RPH3A: variants seen among roughly 807,000 people sequenced by gnomAD.
The protein encoded by RPH3A is rabphilin-3A.
RPH3A carries 48 observed loss-of-function variants against 102.2 expected under a neutral mutation model. That is an observed-to-expected ratio of 0.47 (90% confidence interval 0.37 to 0.60). The LOEUF is 0.60. RPH3A is among the 20% of genes least tolerant of loss of function. The pLI is 0.00. For missense variants in RPH3A, 781 were observed against 910.1 expected, an observed-to-expected ratio of 0.86 and a Z score of 1.83; for synonymous variants, 310 against 324.3, an observed-to-expected ratio of 0.96 and a Z score of 0.47.
At chr12:112,628,131 C>G (rs1416951497) in intron 1 of RPH3A, among the ~76,000 whole-genome samples, 1 of 151,924 alleles carries the variant, frequency 6.6e-6, no homozygotes, top group Admixed American at 6.6e-5. Context: ...ATGAGGATTG[C>G]AATTTGACAT....
chr12:112,870,483 G>T (rs1044193283), intron 10 of RPH3A, among the ~76,000 whole-genome samples: 1 of 151,980 alleles, frequency 6.6e-6, no homozygotes, highest in Admixed American at 6.6e-5. Flanking sequence ...GCTCGTATTG[G>T]GTACCTCACA....
chr12:112,852,641 C>T, intron 5 of RPH3A, among the ~76,000 whole-genome samples: 1 of 152,184 alleles, frequency 6.6e-6, no homozygotes, highest in African/African-American at 2.4e-5. Flanking sequence ...TGCCCCTCAT[C>T]CTATCAGCAG....
At position 112,898,518 on chromosome 12, in the gene RPH3A, C is replaced by G. The variant is rs1270320235; in HGVS notation, c.*1738C>G. 1 of 152,298 alleles carries G rather than the reference C, an allele frequency of 6.6e-6. No homozygotes were observed. 9.4% of individuals were successfully genotyped at this position (152,298 alleles called of 1,614,324 possible). On this transcript the variant is annotated 3_prime_UTR_variant, in exon 22 of 22. Coordinates refer to ENST00000389385, the MANE Select transcript of RPH3A (RefSeq NM_001143854.2). ...ATTTCTTGCCTTGAATAACCATTTT[C>G]TAAACATCGAGCTCTTCACCTTCCC...
At chr12:112,752,794 C>T (rs2040793622) in intron 1 of RPH3A, among the ~76,000 whole-genome samples, 1 of 151,796 alleles carries the variant, frequency 6.6e-6, no homozygotes, top group African/African-American at 2.4e-5. Context: ...AAAATAGGGC[C>T]ATGCTTTATA....
At chr12:112,595,994 C>T (rs972631115) in intron 1 of RPH3A, among the ~76,000 whole-genome samples, 3 of 152,160 alleles carry the variant, frequency 2.0e-5, no homozygotes, top group Non-Finnish European at 2.9e-5. Context: ...GCTCCATAGA[C>T]CATGACACAT....
chr12:112,880,967 T>G (rs902457811), intron 14 of RPH3A, among the ~76,000 whole-genome samples: 2 of 152,102 alleles, frequency 1.3e-5, no homozygotes, highest in African/African-American at 2.4e-5. Flanking sequence ...CTGAGGAGGA[T>G]GAGGAAGAGG....
chr12:112,823,964 T>C (rs2136143726), intron 2 of RPH3A, among the ~76,000 whole-genome samples: 1 of 152,312 alleles, frequency 6.6e-6, no homozygotes, highest in Admixed American at 6.5e-5. Flanking sequence ...CTAGGGGTGA[T>C]GTAATGAGCT....
chr12:112,776,807 G>C (rs1345482387), intron 1 of RPH3A, among the ~76,000 whole-genome samples: 2 of 140,888 alleles, frequency 1.4e-5, no homozygotes, highest in Non-Finnish European at 3.0e-5. Context: ...CTGGGAGATG[G>C]AGCTTGCAGT....
At chr12:112,766,158 C>T (rs2040887131) in intron 1 of RPH3A, among the ~76,000 whole-genome samples, 1 of 152,176 alleles carries the variant, frequency 6.6e-6, no homozygotes, top group Non-Finnish European at 1.5e-5. Flanking sequence ...CTCAGATTGC[C>T]TGGGTTCACA....
intron 1 of RPH3A, among the ~76,000 whole-genome samples, chr12:112,677,415 CTCCTTCCTTCCT>C (rs879603208): frequency 0.027 from 897 of 33,176 alleles, 25 homozygotes; most frequent in Middle Eastern, 0.087. Flanking sequence ...CCCTCCTTCC[CTCCTTCCTTCCT>C]TCCTTCCTTC....
chr12:112,719,891 A>G (rs2040539876), intron 1 of RPH3A, among the ~76,000 whole-genome samples: 1 of 152,120 alleles, frequency 6.6e-6, no homozygotes, highest in Non-Finnish European at 1.5e-5. Context: ...TTGTTTTTCT[A>G]TCTTTATTCA....
At chr12:112,697,391 G>A (rs760481276) in intron 1 of RPH3A, among the ~76,000 whole-genome samples, 24 of 152,134 alleles carry the variant, frequency 1.6e-4, no homozygotes, top group Admixed American at 1.3e-4. Context: ...AACATGAAAA[G>A]CTTAGAAACA....
intron 3 of RPH3A, among the ~76,000 whole-genome samples, chr12:112,832,895 G>A (rs1324765462): frequency 2.6e-5 from 4 of 151,512 alleles, no homozygotes; most frequent in Non-Finnish European, 2.9e-5. Flanking sequence ...ACACACAATG[G>A]TGATAAATAC....
Position 112,800,105 on chromosome 12 carries a change from A to G in RPH3A, c.-19+7842A>G, listed in dbSNP as rs543551296. On this transcript the variant is annotated intron_variant, in intron 2 of 21. Coordinates refer to ENST00000389385, the MANE Select transcript of RPH3A (RefSeq NM_001143854.2). Reference sequence around the variant, plus strand: ...AAAACCAATAAACAAGTAAACACATAAACAAGAAAACTCCAGACCGCGTGA... The same window carrying G: ...AAAACCAATAAACAAGTAAACACATGAACAAGAAAACTCCAGACCGCGTGA... Among the ~76,000 whole-genome samples, 19 of 152,298 alleles carry G rather than the reference A, an allele frequency of 1.2e-4. 1 individual carries two copies. In the South Asian group the frequency reaches 3.9e-3, roughly 32 times the overall value.
At chr12:112,819,481 AGGT>A (rs2041739265) in intron 2 of RPH3A, among the ~76,000 whole-genome samples, 1 of 152,120 alleles carries the variant, frequency 6.6e-6, no homozygotes, top group Non-Finnish European at 1.5e-5. Context: ...TAAAAAGGGG[AGGT>A]AGGATTGGAT....
At chr12:112,859,530 C>T (rs4767020) in intron 5 of RPH3A, among the ~76,000 whole-genome samples, 8,461 of 152,168 alleles carry the variant, frequency 0.056, 445 homozygotes, top group Admixed American at 0.14. Context: ...GTGTTTCCTT[C>T]CTGATGTATA....
At chr12:112,770,820 A>G (rs942738178) in intron 1 of RPH3A, among the ~76,000 whole-genome samples, 7 of 152,172 alleles carry the variant, frequency 4.6e-5, no homozygotes, top group Non-Finnish European at 8.8e-5. Context: ...TGCTTGGGAT[A>G]CCCCCAACGG....
At chr12:112,884,877 T>C (rs879518135) in intron 16 of RPH3A, among the ~76,000 whole-genome samples, 1 of 152,254 alleles carries the variant, frequency 6.6e-6, no homozygotes, top group Admixed American at 6.5e-5. Context: ...CCCCTTCTTA[T>C]TGAATGCTCC....
chr12:112,860,014 G>A (rs532836739), intron 5 of RPH3A, among the ~76,000 whole-genome samples: 9 of 152,300 alleles, frequency 5.9e-5, no homozygotes, highest in South Asian at 4.1e-4. Flanking sequence ...GGTAGAGAGC[G>A]TCTCCCATAC....
Sources: allele counts gnomAD v4.1 joint callset (sites outside exome capture counted in the v4.1 genomes callset), GRCh38; gene constraint gnomAD v4.1.1; transcripts MANE v1.5; gene names NCBI Gene and HGNC (gene_info 2026-07-23, HGNC 2026-07-21).